Variants in CDH7 observed in about 807,000 individuals in gnomAD.
The protein encoded by CDH7 is cadherin-7.
In CDH7, 25 loss-of-function variants were observed where a neutral mutation model predicts 71.8. The observed-to-expected ratio is 0.35, with a 90% CI of 0.25 to 0.49. The LOEUF (loss-of-function observed/expected upper bound fraction) is 0.49, where lower values mean the gene tolerates loss of function less well. Among genes scored for constraint, CDH7 ranks in the 20% least tolerant of loss-of-function variants. CDH7 has a pLI of 0.99. For synonymous variants in CDH7, 381 were observed against 363.8 expected (o/e 1.05, Z -0.54); for missense variants, 862 against 974.6 (o/e 0.88, Z 1.54).
intron 2 of CDH7, among the ~76,000 whole-genome samples, chr18:65,781,849 T>TC (rs1568181605): frequency 7.5e-5 from 7 of 93,576 alleles, no homozygotes; most frequent in African/African-American, 4.2e-4. Context: ...TTTCTTTCTT[T>TC]CTTTCTTTCT....
rs1194548247 is a variant in CDH7, at chr18:65,824,628, G to C, written c.794-16G>C. Reference sequence around the variant, plus strand: ...GTTTGGTGTAACGTGTTCATTTCTTGCTTTGAATTTCACAGGGTCTTATCA... The same window carrying C: ...GTTTGGTGTAACGTGTTCATTTCTTCCTTTGAATTTCACAGGGTCTTATCA... On this transcript the variant is annotated splice_polypyrimidine_tract_variant and intron_variant, in intron 5 of 11. Coordinates refer to ENST00000397968, the MANE Select transcript of CDH7 (RefSeq NM_004361.5). 3 of 1,496,844 alleles carry C rather than the reference G, an allele frequency of 2.0e-6. No individual in the cohort carries two copies. Among genetic ancestry groups the C allele is most frequent in the Non-Finnish European group, 9.0e-7 (1 of 1,116,506 alleles). 92.7% of individuals were successfully genotyped at this position (1,496,844 alleles called of 1,614,324 possible).
chr18:65,852,573 C>T (rs753513013), intron 7 of CDH7, among the ~76,000 whole-genome samples: 4 of 152,064 alleles, frequency 2.6e-5, no homozygotes, highest in Admixed American at 6.6e-5. Context: ...AAATCAAATA[C>T]CAGGTAAATT....
At chr18:65,829,836 G>A (rs572063196) in intron 6 of CDH7, among the ~76,000 whole-genome samples, 2 of 148,588 alleles carry the variant, frequency 1.3e-5, no homozygotes, top group South Asian at 2.1e-4. Flanking sequence ...ATGGGAACTG[G>A]TCTAATCATG....
Position 65,822,115 on chromosome 18 carries a change from A to C in CDH7, c.660A>C (p.Arg220Ser). The change falls in exon 5 of 12, where the codon AGA (arginine) becomes AGC (serine). Residue 220 changes from arginine (R) to serine (S), a missense_variant. Coordinates refer to ENST00000397968, the MANE Select transcript of CDH7 (RefSeq NM_004361.5). The part of the protein sequence containing the change: ...VIKTALPNMD[R>S]EAKDQYLLVI... ...AGACTGCCCTTCCAAACATGGATAGAGAGGCTAAAGACCAGTATTTGCTTG... is the reference window on the plus strand; with the variant it reads ...AGACTGCCCTTCCAAACATGGATAGCGAGGCTAAAGACCAGTATTTGCTTG... The C allele has an allele frequency of 2.5e-6, 4 of 1,613,220 alleles. No individual in the cohort carries two copies. The highest frequency in any genetic ancestry group is 3.4e-6 in the Non-Finnish European group (4 of 1,179,254).
intron 2 of CDH7, among the ~76,000 whole-genome samples, chr18:65,781,796 T>TA (rs1910217059): frequency 8.8e-4 from 62 of 70,420 alleles, no homozygotes; most frequent in African/African-American, 1.7e-3. Flanking sequence ...CCTTCCTTCC[T>TA]TCCTTCCTTC....
At chr18:65,803,967 C>G (rs1446593007) in intron 2 of CDH7, among the ~76,000 whole-genome samples, 2 of 150,882 alleles carry the variant, frequency 1.3e-5, no homozygotes, top group Non-Finnish European at 3.0e-5. Flanking sequence ...TGTATTTTTT[C>G]TTATTCCAAC....
intron 1 of CDH7, among the ~76,000 whole-genome samples, chr18:65,753,620 G>T (rs1293157899): frequency 6.6e-6 from 1 of 152,174 alleles, no homozygotes; most frequent in Admixed American, 6.5e-5. Context: ...ATGCTACTTG[G>T]TGGGGTGATA....
intron 2 of CDH7, among the ~76,000 whole-genome samples, chr18:65,786,861 T>A (rs1013135670): frequency 2.6e-5 from 4 of 151,940 alleles, no homozygotes; most frequent in African/African-American, 9.7e-5. Flanking sequence ...TTAATCAAAA[T>A]TTATGTTTTT....
At chr18:65,814,645 G>A (rs766752361) in intron 4 of CDH7, 41 bp downstream of exon 4, 3 of 1,565,156 alleles carry the variant, frequency 1.9e-6, no homozygotes, top group Non-Finnish European at 2.6e-6. Flanking sequence ...GTCATCATTT[G>A]TTTGCTGCTT....
intron 6 of CDH7, among the ~76,000 whole-genome samples, chr18:65,830,070 CAA>C (rs1476744938): frequency 6.6e-6 from 1 of 152,032 alleles, no homozygotes; most frequent in African/African-American, 2.4e-5. Flanking sequence ...CTCAGGTAGA[CAA>C]GAGAAAGTGG....
rs752309991 is a variant in CDH7 at position 65,859,771 on chromosome 18, A to G, written c.1558A>G (p.Ser520Gly). Reference sequence around the variant, plus strand: ...ATCCAATGGACACCAGTTTTACTTCAGCTTAACAACGGATGCAACAAATAA... The same window carrying G: ...ATCCAATGGACACCAGTTTTACTTCGGCTTAACAACGGATGCAACAAATAA... ...EPSNGHQFYF[S>G]LTTDATNNHN... Residue 520 changes from serine to glycine, a missense_variant, in exon 10 of 12, where the codon AGC (serine) becomes GGC (glycine). Physicochemically the swap from Ser to Gly is moderately conservative, Grantham distance 56. Coordinates refer to ENST00000397968, the MANE Select transcript of CDH7 (RefSeq NM_004361.5). 3 of 1,612,342 alleles carry G rather than the reference A, an allele frequency of 1.9e-6. No homozygotes were observed. Among genetic ancestry groups the G allele is most frequent in the Non-Finnish European group, 2.5e-6 (3 of 1,178,466 alleles).
intron 2 of CDH7, among the ~76,000 whole-genome samples, chr18:65,783,308 G>T (rs1181959837): frequency 6.6e-6 from 1 of 152,256 alleles, no homozygotes; most frequent in East Asian, 1.9e-4. Context: ...TAAATTAACA[G>T]AAAGATAATT....
At chr18:65,797,084 A>G (rs1910944159) in intron 2 of CDH7, among the ~76,000 whole-genome samples, 1 of 152,052 alleles carries the variant, frequency 6.6e-6, no homozygotes, top group Admixed American at 6.6e-5. Flanking sequence ...CACTCTCTCC[A>G]GGTGGTGTTA....
rs537685152 is a variant in CDH7, at chr18:65,887,799, G to A, written c.*6905G>A. 15 of 152,204 alleles carry A rather than the reference G, an allele frequency of 9.9e-5. No individual in the cohort carries two copies. In the East Asian group the frequency reaches 2.3e-3, roughly 24 times the overall value. 9.4% of individuals were successfully genotyped at this position (152,204 alleles called of 1,614,324 possible). Reference sequence around the variant, plus strand: ...TGCACATTTGTAAAGTTTCTCTTTAGTAGAGATTTCAGAATTTTTTTTCTC... The same window carrying A: ...TGCACATTTGTAAAGTTTCTCTTTAATAGAGATTTCAGAATTTTTTTTCTC... On this transcript the variant is annotated 3_prime_UTR_variant, in exon 12 of 12. Transcript: ENST00000397968.
chr18:65,790,695 C>T (rs1311977121), intron 2 of CDH7, among the ~76,000 whole-genome samples: 1 of 152,112 alleles, frequency 6.6e-6, no homozygotes, highest in Non-Finnish European at 1.5e-5. Flanking sequence ...ATTGTGAAAT[C>T]CTGTCTTTAA....
chr18:65,840,937 T>C (rs938728842), intron 6 of CDH7, among the ~76,000 whole-genome samples: 2 of 152,158 alleles, frequency 1.3e-5, no homozygotes, highest in Non-Finnish European at 1.5e-5. Flanking sequence ...ATTCTAATAG[T>C]TATGGACTAT....
intron 2 of CDH7, among the ~76,000 whole-genome samples, chr18:65,765,728 A>G (rs1013842047): frequency 1.3e-5 from 2 of 152,112 alleles, no homozygotes; most frequent in Admixed American, 1.3e-4. Flanking sequence ...TACATTTTGT[A>G]CCTTAACTTG....
intron 2 of CDH7, among the ~76,000 whole-genome samples, chr18:65,796,737 C>T (rs73966303): frequency 0.018 from 2,759 of 152,268 alleles, 85 homozygotes; most frequent in African/African-American, 0.064. Flanking sequence ...TTGGATAACA[C>T]AGGCTTGAAG....
intron 6 of CDH7, among the ~76,000 whole-genome samples, chr18:65,833,909 A>T (rs1161172374): frequency 3.3e-5 from 5 of 152,152 alleles, no homozygotes; most frequent in East Asian, 1.9e-4. Context: ...TTGATTTTTT[A>T]AAATTTTGAT....
Sources: allele counts gnomAD v4.1 joint callset (sites outside exome capture counted in the v4.1 genomes callset), GRCh38; gene constraint gnomAD v4.1.1; transcripts MANE v1.5; gene names NCBI Gene and HGNC (gene_info 2026-07-23, HGNC 2026-07-21).